The following PLEKHG3 variants were observed in gnomAD, a reference collection of about 807,000 sequenced individuals.
PLEKHG3 encodes the protein pleckstrin homology and RhoGEF domain containing G3.
PLEKHG3 carries 62 observed loss-of-function variants against 94.9 expected under a neutral mutation model. That is an observed-to-expected ratio of 0.65 (90% confidence interval 0.53 to 0.81). The LOEUF (loss-of-function observed/expected upper bound fraction) is 0.81. Ranked by LOEUF, PLEKHG3 falls within the 30% of genes least tolerant of loss-of-function variation. The probability of loss-of-function intolerance (pLI) is 0.00; values close to 1 mark genes in which losing one functional copy is unlikely to be tolerated. For synonymous variants in PLEKHG3, 614 were observed against 654.0 expected (o/e 0.94, Z 0.93); for missense variants, 1,461 against 1,619.3 (o/e 0.90, Z 1.68).
At position 64,732,929 on chromosome 14, in the gene PLEKHG3, G is replaced by T. The variant is rs373894456; in HGVS notation, c.1345+28G>T. ...AAGAGAAGGGCTGTGGAGGCAGGAGGCCTCTCCCTCACACCCTTGCCCAGA... is the reference window on the plus strand; with the variant it reads ...AAGAGAAGGGCTGTGGAGGCAGGAGTCCTCTCCCTCACACCCTTGCCCAGA... On this transcript the variant is annotated intron_variant, in intron 12 of 16. Transcript: ENST00000247226. The surrounding 1 kb of genome is among the most constrained non-coding windows in gnomAD (Gnocchi z 4.9). 2 of 1,423,566 alleles carry T rather than the reference G, an allele frequency of 1.4e-6. No homozygotes were observed. The highest frequency in any genetic ancestry group is 3.7e-5 in the Admixed American group (2 of 53,974). 88.2% of individuals were successfully genotyped at this position (1,423,566 alleles called of 1,614,324 possible).
chr14:64,722,332 G>T lies in PLEKHG3; in HGVS notation c.-39-5261G>T, dbSNP rs781763000. Among the ~76,000 whole-genome samples, 5 of 151,944 alleles carry T rather than the reference G, an allele frequency of 3.3e-5. No individual in the cohort carries two copies. The highest frequency in any genetic ancestry group is 7.4e-5 in the Non-Finnish European group (5 of 67,964). ...CAAGCAATTCTCCTGCCTCAGCCTCGCGAGTAGCTGGGATTACAGGTGCAT... is the reference window on the plus strand; with the variant it reads ...CAAGCAATTCTCCTGCCTCAGCCTCTCGAGTAGCTGGGATTACAGGTGCAT... On this transcript the variant is annotated intron_variant, in intron 1 of 16. Transcript: ENST00000247226. The surrounding 1 kb of genome is among the most constrained non-coding windows in gnomAD (Gnocchi z 4.3).
Position 64,727,584 on chromosome 14 carries a change from T to C in PLEKHG3, c.-39-9T>C. ...GAGGTTGACCCTTCATCTGTCTGTCTTGTTGCAGAATCTCCCTGGGGTGCC... is the reference window on the plus strand; with the variant it reads ...GAGGTTGACCCTTCATCTGTCTGTCCTGTTGCAGAATCTCCCTGGGGTGCC... On this transcript the variant is annotated splice_polypyrimidine_tract_variant and intron_variant, in intron 1 of 16. Coordinates refer to ENST00000247226, the MANE Select transcript of PLEKHG3 (RefSeq NM_001308147.2). This position sits in a 1 kb window ranked among gnomAD's most constrained non-coding sequence, Gnocchi z 6.0. 9.5e-7 allele frequency: 1 copy of C among 1,057,016 alleles called. No homozygotes were observed. The highest frequency in any genetic ancestry group is 1.4e-6 in the Non-Finnish European group (1 of 693,086). The allele number at this position is 1,057,016 out of a possible 1,614,324, so 65.5% of individuals were successfully genotyped here.
chr14:64,731,477 C>A lies in PLEKHG3; in HGVS notation c.966C>A (p.Leu322=), dbSNP rs2081463046. 1 of 1,614,144 alleles carries A rather than the reference C, an allele frequency of 6.2e-7. No individual in the cohort carries two copies. The highest frequency in any genetic ancestry group is 1.3e-5 in the African/African-American group (1 of 75,020). Residue 322 remains leucine, a synonymous_variant, in exon 8 of 17, where the codon CTC becomes CTA. Coordinates refer to ENST00000247226, the MANE Select transcript of PLEKHG3 (RefSeq NM_001308147.2). This position sits in a 1 kb window ranked among gnomAD's most constrained non-coding sequence, Gnocchi z 6.1. The part of the protein sequence containing the change: ...HRVRNERTFF[L]FDKTLLITKK... ...TGCGCAATGAAAGGACCTTTTTCCTCTTTGACAAAACACTGCTTATCACCA... is the reference window on the plus strand; with the variant it reads ...TGCGCAATGAAAGGACCTTTTTCCTATTTGACAAAACACTGCTTATCACCA...
In PLEKHG3 at chr14:64,731,536, A is replaced by G. The variant is rs768056327; in HGVS notation, c.1025A>G (p.Asn342Ser). 1.2e-6 allele frequency: 2 copies of G among 1,613,906 alleles called. No homozygotes were observed. The highest frequency in any genetic ancestry group is 1.7e-5 in the Admixed American group (1 of 60,016). Reference sequence around the variant, plus strand: ...GGCGATCACTTTGTCTACAAGGGCAACATCCCGGTAACCAGGCCCTGCCCC... The same window carrying G: ...GGCGATCACTTTGTCTACAAGGGCAGCATCCCGGTAACCAGGCCCTGCCCC... ...KRGDHFVYKG[N>S]IPCSSLMLIE... The change falls in exon 8 of 17, where the codon AAC becomes AGC. Residue 342 changes from asparagine to serine, a missense_variant. Physicochemically the swap from Asn to Ser is conservative, Grantham distance 46 (BLOSUM62 1). Around this residue, in one of 3 missense-constraint regions of PLEKHG3, gnomAD observed 1,201 missense variants for 1,295.5 expected, o/e 0.93. Transcript: ENST00000247226. The surrounding 1 kb of genome is among the most constrained non-coding windows in gnomAD (Gnocchi z 6.1).
intron 1 of PLEKHG3, among the ~76,000 whole-genome samples, chr14:64,710,202 T>C (rs10147757): frequency 0.034 from 5,156 of 152,314 alleles, 297 homozygotes; most frequent in African/African-American, 0.12. Context: ...TCTCCTACCC[T>C]AAACTCTTAT....
In PLEKHG3 at chr14:64,717,148, T is replaced by TGA. The variant is rs1166360501; in HGVS notation, c.-39-10443_-39-10442dup. Reference sequence around the variant, plus strand: ...GTGTGTGTGTGTGTGTGTGTGTGTGTGAGTCCATAAGGTCTGCTTTGGAAA... The same window carrying TGA: ...GTGTGTGTGTGTGTGTGTGTGTGTGTGAGAGTCCATAAGGTCTGCTTTGGAAA... On this transcript the variant is annotated intron_variant, in intron 1 of 16. Transcript: ENST00000247226. The surrounding 1 kb of genome is among the most constrained non-coding windows in gnomAD (Gnocchi z 4.7). 1.6e-4 allele frequency among the ~76,000 whole-genome samples: 24 copies of TGA among 151,594 alleles called. No homozygotes were observed. Among genetic ancestry groups the TGA allele is most frequent in the South Asian group, 1.0e-3 (5 of 4,820 alleles).
rs1419143338 is a variant in PLEKHG3, at chr14:64,728,895, G to A, written c.352-101G>A. 23 of 560,548 alleles carry A rather than the reference G, an allele frequency of 4.1e-5. No individual in the cohort carries two copies. Among genetic ancestry groups the A allele is most frequent in the South Asian group, 1.3e-4 (6 of 45,920 alleles). 34.7% of individuals were successfully genotyped at this position (560,548 alleles called of 1,614,324 possible). On this transcript the variant is annotated intron_variant, in intron 2 of 16. Coordinates refer to ENST00000247226, the MANE Select transcript of PLEKHG3 (RefSeq NM_001308147.2). This position sits in a 1 kb window ranked among gnomAD's most constrained non-coding sequence, Gnocchi z 5.9. ...CACTGTCTCACAGTAGGCAATGTCC[G>A]TGAAGTGGTGTTACAGCAGGGCCGA... is the stretch of plus-strand genomic sequence containing the variant.
Position 64,717,951 on chromosome 14 carries a change from ATTCC to A in PLEKHG3, c.-39-9637_-39-9634del, listed in dbSNP as rs2081197181. ...TGTCCTTTCCCACAAAGCCACGTGG[ATTCC>A]TTCCATCTGTCCTTGGCCTGCCTTG... is the stretch of plus-strand genomic sequence containing the variant. On this transcript the variant is annotated intron_variant, in intron 1 of 16. Transcript: ENST00000247226. The surrounding 1 kb of genome is among the most constrained non-coding windows in gnomAD (Gnocchi z 4.7). 6.6e-6 allele frequency among the ~76,000 whole-genome samples: 1 copy of A among 152,162 alleles called. No homozygotes were observed. The highest frequency in any genetic ancestry group is 2.4e-5 in the African/African-American group (1 of 41,418).
In PLEKHG3 at chr14:64,742,369, G is replaced by A. The variant is rs149504511; in HGVS notation, c.2852G>A (p.Trp951Ter). Residue 951 changes from tryptophan (W) to a stop codon, truncating the protein, a stop_gained, in exon 16 of 17, where the codon TGG (tryptophan) becomes TAG (stop). Transcript: ENST00000247226. LOFTEE classifies it high-confidence loss of function. ...GTGATGGCCAGGCCACCACTGCAGTGGGAAAAGGTGGCCCCTGAGAGGGAT... is the reference window on the plus strand; with the variant it reads ...GTGATGGCCAGGCCACCACTGCAGTAGGAAAAGGTGGCCCCTGAGAGGGAT... ...KPVMARPPLQ[W>*]EKVAPERDGK... 9.9e-6 allele frequency: 16 copies of A among 1,612,910 alleles called. No homozygotes were observed. The highest frequency in any genetic ancestry group is 1.3e-5 in the Non-Finnish European group (15 of 1,180,028).
At chr14:64,706,547 G>A (rs1269788754) in intron 1 of PLEKHG3, among the ~76,000 whole-genome samples, 7 of 152,222 alleles carry the variant, frequency 4.6e-5, no homozygotes, top group African/African-American at 1.7e-4. Flanking sequence ...TAAAACTAAA[G>A]GGCTCACAGT....
Position 64,730,439 on chromosome 14 carries a change from C to T in PLEKHG3, c.519+127C>T. The T allele has an allele frequency of 1.3e-6, 1 of 763,172 alleles. No homozygotes were observed. The highest frequency in any genetic ancestry group is 1.6e-5 in the South Asian group (1 of 63,152). 47.3% of individuals were successfully genotyped at this position (763,172 alleles called of 1,614,324 possible). ...CCAGGGAAAGTCCTGGGTGCTCTAT[C>T]TTGAATGAGAAGGGTGTTCTGAGGG... On this transcript the variant is annotated intron_variant, in intron 4 of 16. Coordinates refer to ENST00000247226, the MANE Select transcript of PLEKHG3 (RefSeq NM_001308147.2). The surrounding 1 kb of genome is among the most constrained non-coding windows in gnomAD (Gnocchi z 5.4).
In PLEKHG3 at chr14:64,747,202, GGGGGA is replaced by G. The variant is rs2081859857; in HGVS notation, c.*3503_*3507del. 6.6e-6 allele frequency: 1 copy of G among 152,506 alleles called. No homozygotes were observed. Among genetic ancestry groups the G allele is most frequent in the African/African-American group, 2.4e-5 (1 of 41,460 alleles). 9.4% of individuals were successfully genotyped at this position (152,506 alleles called of 1,614,324 possible). ...AGGTGCTGATTTGGCACACGTGGAA[GGGGGA>G]GGGTGGGCCCTTGTCCCTAGGCTCC... On this transcript the variant is annotated 3_prime_UTR_variant, in exon 17 of 17. Coordinates refer to ENST00000247226, the MANE Select transcript of PLEKHG3 (RefSeq NM_001308147.2).
chr14:64,742,521 C>A, intron 16 of PLEKHG3, 66 bp downstream of exon 16: 3 of 1,219,234 alleles, frequency 2.5e-6, no homozygotes, highest in Middle Eastern at 2.5e-4. Context: ...TAAGGAGCCA[C>A]TTGGCTCCTC....
At position 64,716,018 on chromosome 14, in the gene PLEKHG3, T is replaced by C. The variant is rs1594665164; in HGVS notation, c.-40+11314T>C. On this transcript the variant is annotated intron_variant, in intron 1 of 16. Coordinates refer to ENST00000247226, the MANE Select transcript of PLEKHG3 (RefSeq NM_001308147.2). This position sits in a 1 kb window ranked among gnomAD's most constrained non-coding sequence, Gnocchi z 5.0. The stretch of plus-strand genomic sequence containing the variant: ...AGCCTGTTAACTGCTAGGTTGCCGG[T>C]GCTGGGGACAATGCGGCTGCCCGGC... 1 of 455,980 alleles carries C rather than the reference T, an allele frequency of 2.2e-6. No individual in the cohort carries two copies. The highest frequency in any genetic ancestry group is 4.4e-6 in the Non-Finnish European group (1 of 226,790). The allele number at this position is 455,980 out of a possible 1,614,324, so 28.2% of individuals were successfully genotyped here.
At chr14:64,706,284 C>T (rs765524159) in intron 1 of PLEKHG3, among the ~76,000 whole-genome samples, 5 of 152,138 alleles carry the variant, frequency 3.3e-5, no homozygotes, top group African/African-American at 4.8e-5. Context: ...TTCATTTACT[C>T]GTGAAGGCAG....
At position 64,742,018 on chromosome 14, in the gene PLEKHG3, A is replaced by G. The variant is rs1400012430; in HGVS notation, c.2501A>G (p.Gln834Arg). ...SGGSPGKGPGQGQANGFDLHE... is the reference protein window; with the variant it reads ...SGGSPGKGPGRGQANGFDLHE... ...GGGAGCCCTGGGAAGGGGCCAGGCCAGGGCCAGGCCAATGGCTTTGACCTG... is the reference window on the plus strand; with the variant it reads ...GGGAGCCCTGGGAAGGGGCCAGGCCGGGGCCAGGCCAATGGCTTTGACCTG... The change falls in exon 16 of 17, where the codon CAG becomes CGG. Residue 834 changes from glutamine (Q) to arginine (R), a missense_variant. By Grantham distance (43) the Gln-to-Arg change is conservative. This residue lies in a region of PLEKHG3 where 1,201 missense variants were observed against 1,295.5 expected (regional missense o/e 0.93). Coordinates refer to ENST00000247226, the MANE Select transcript of PLEKHG3 (RefSeq NM_001308147.2). 2 of 1,583,822 alleles carry G rather than the reference A, an allele frequency of 1.3e-6. No homozygotes were observed. Among genetic ancestry groups the G allele is most frequent in the South Asian group, 1.2e-5 (1 of 86,724 alleles).
chr14:64,738,328 GT>G lies in PLEKHG3; in HGVS notation c.1405-410del. The G allele has an allele frequency of 3.3e-6, 2 of 615,182 alleles. No homozygotes were observed. Among genetic ancestry groups the G allele is most frequent in the Non-Finnish European group, 5.0e-6 (2 of 399,280 alleles). 38.1% of individuals were successfully genotyped at this position (615,182 alleles called of 1,614,324 possible). A position where few individuals can be genotyped will look rare whatever the true frequency, so the allele number is the denominator to read the frequency against. On this transcript the variant is annotated intron_variant, in intron 14 of 16. Coordinates refer to ENST00000247226, the MANE Select transcript of PLEKHG3 (RefSeq NM_001308147.2). This position sits in a 1 kb window ranked among gnomAD's most constrained non-coding sequence, Gnocchi z 4.8. The stretch of plus-strand genomic sequence containing the variant: ...GCCCTCCTCACCCCACCCTGCCCTG[GT>G]TTTACTCCTCCCCTCAGCACTTAAC...
In PLEKHG3 at chr14:64,747,488, G is replaced by C. The variant is rs1421829584; in HGVS notation, c.*3785G>C. The C allele has an allele frequency of 6.6e-6, 1 of 152,652 alleles. No homozygotes were observed. The highest frequency in any genetic ancestry group is 1.5e-5 in the Non-Finnish European group (1 of 68,084). 9.5% of individuals were successfully genotyped at this position (152,652 alleles called of 1,614,324 possible). On this transcript the variant is annotated 3_prime_UTR_variant, in exon 17 of 17. Transcript: ENST00000247226. Reference sequence around the variant, plus strand: ...AAATGAAGACCTTGCTCACCAGGGCGGGAACCTGGGGATGTCAGGCTCCAT... The same window carrying C: ...AAATGAAGACCTTGCTCACCAGGGCCGGAACCTGGGGATGTCAGGCTCCAT...
Position 64,721,293 on chromosome 14 carries a change from A to AG in PLEKHG3, c.-39-6294dup, listed in dbSNP as rs894720256. Among the ~76,000 whole-genome samples, 3 of 152,120 alleles carry AG rather than the reference A, an allele frequency of 2.0e-5. No homozygotes were observed. Among genetic ancestry groups the AG allele is most frequent in the African/African-American group, 7.2e-5 (3 of 41,438 alleles). On this transcript the variant is annotated intron_variant, in intron 1 of 16. Transcript: ENST00000247226. The surrounding 1 kb of genome is among the most constrained non-coding windows in gnomAD (Gnocchi z 4.3). ...GGGCACATGTTGGGTAGGTGGGGACAGGGGGGTGTAGATGAACAGCCCTCC... is the reference window on the plus strand; with the variant it reads ...GGGCACATGTTGGGTAGGTGGGGACAGGGGGGGTGTAGATGAACAGCCCTCC...
Sources: gnomAD v4.1 joint callset for allele counts (sites outside exome capture counted in the v4.1 genomes callset) on GRCh38, gnomAD v4.1.1 for gene constraint, gnomAD v4.1.1 regional missense constraint, Gnocchi (gnomAD v3.1) non-coding constraint, MANE v1.5 for transcripts, NCBI Gene and HGNC (gene_info 2026-07-23, HGNC 2026-07-21) for gene names.